Variants in AP2A1 observed in about 807,000 individuals in gnomAD.
AP2A1 encodes AP-2 complex subunit alpha-1.
AP2A1 carries 21 observed loss-of-function variants against 107.3 expected under a neutral mutation model. The observed-to-expected ratio is 0.20, with a 90% CI of 0.14 to 0.28. The LOEUF (loss-of-function observed/expected upper bound fraction) is 0.28. Ranked by LOEUF, AP2A1 falls within the 10% of genes least tolerant of loss-of-function variation. The probability of loss-of-function intolerance (pLI) is 1.00; values close to 1 mark genes in which losing one functional copy is unlikely to be tolerated. For missense variants in AP2A1, 873 were observed against 1,307.7 expected, an observed-to-expected ratio of 0.67 and a Z score of 5.13; for synonymous variants, 602 against 564.8, an observed-to-expected ratio of 1.07 and a Z score of -0.93.
chr19:49,785,733 G>A lies in AP2A1; in HGVS notation c.473+3009G>A, dbSNP rs1397159940. Among the ~76,000 whole-genome samples, 1 of 152,042 alleles carries A rather than the reference G, an allele frequency of 6.6e-6. No homozygotes were observed. The highest frequency in any genetic ancestry group is 2.4e-5 in the African/African-American group (1 of 41,400). On this transcript the variant is annotated intron_variant, in intron 4 of 22. Transcript: ENST00000354293. This position sits in a 1 kb window ranked among gnomAD's most constrained non-coding sequence, Gnocchi z 4.1. ...GGAGTTCAAGAACAGCTTGGCCAACGTGGTGAAGCCCCGTCTCTACTAAAA... is the reference window on the plus strand; with the variant it reads ...GGAGTTCAAGAACAGCTTGGCCAACATGGTGAAGCCCCGTCTCTACTAAAA...
chr19:49,806,046 T>C, intron 21 of AP2A1, 73 bp from the exon 22 acceptor site: 2 of 1,606,012 alleles, frequency 1.2e-6, no homozygotes, highest in Non-Finnish European at 1.7e-6. Flanking sequence ...CAAGGGTTTT[T>C]TGGGATCTGG....
chr19:49,807,011 G>C lies in AP2A1; in HGVS notation c.*253G>C, dbSNP rs755657628. 4.9e-5 allele frequency: 75 copies of C among 1,520,644 alleles called. No individual in the cohort carries two copies. Among genetic ancestry groups the C allele is most frequent in the Non-Finnish European group, 6.3e-5 (72 of 1,137,530 alleles). The allele number at this position is 1,520,644 out of a possible 1,614,324, so 94.2% of individuals were successfully genotyped here. A position where few individuals can be genotyped will look rare whatever the true frequency, so the allele number is the denominator to read the frequency against. ...AGAGGGGAGAGGGGCCAGGGAAGTG[G>C]ATGTCTCCTCCCCTCCCACCCCACC... On this transcript the variant is annotated 3_prime_UTR_variant, in exon 23 of 23. Transcript: ENST00000354293.
chr19:49,768,450 T>C (rs1055850054), intron 1 of AP2A1, among the ~76,000 whole-genome samples: 8 of 152,140 alleles, frequency 5.3e-5, no homozygotes, highest in Non-Finnish European at 1.0e-4. Flanking sequence ...GCTGATAGTA[T>C]CTTCCTGAGG....
rs1020706638 is a variant in AP2A1, at chr19:49,791,931, A to C, written c.474-4A>C. On this transcript the variant is annotated splice_region_variant and splice_polypyrimidine_tract_variant and intron_variant, in intron 4 of 22. Transcript: ENST00000354293. ...TTCCCCTGCCCTGCATGGTGTCCCCACAGGGACAGCATGGACAGTGTCAAG... is the reference window on the plus strand; with the variant it reads ...TTCCCCTGCCCTGCATGGTGTCCCCCCAGGGACAGCATGGACAGTGTCAAG... 1.2e-6 allele frequency: 2 copies of C among 1,605,462 alleles called. No homozygotes were observed. Among genetic ancestry groups the C allele is most frequent in the African/African-American group, 2.7e-5 (2 of 74,642 alleles).
At chr19:49,806,456 C>G in intron 22 of AP2A1, 1 of 1,436,966 alleles carries the variant, frequency 7.0e-7, no homozygotes, top group Non-Finnish European at 9.1e-7. Context: ...CTCTTCCTGT[C>G]CCTCCCTGAT....
At chr19:49,770,183 A>T (rs573569981) in intron 1 of AP2A1, among the ~76,000 whole-genome samples, 1 of 152,184 alleles carries the variant, frequency 6.6e-6, no homozygotes, top group African/African-American at 2.4e-5. Context: ...ATACAACTTG[A>T]AGGAAAAACT....
At position 49,772,040 on chromosome 19, in the gene AP2A1, G is replaced by A. The variant is rs532403384; in HGVS notation, c.67+4840G>A. Among the ~76,000 whole-genome samples, 5 of 152,126 alleles carry A rather than the reference G, an allele frequency of 3.3e-5. No individual in the cohort carries two copies. In the South Asian group the frequency reaches 8.3e-4, roughly 25 times the overall value. The stretch of plus-strand genomic sequence containing the variant: ...AGGCCAGGAATTTGAGACCAGCCTT[G>A]GCAACATAGCAAGACCCTGTCTCTC... On this transcript the variant is annotated intron_variant, in intron 1 of 22. Coordinates refer to ENST00000354293, the MANE Select transcript of AP2A1 (RefSeq NM_130787.3).
At chr19:49,771,726 T>C (rs2084560175) in intron 1 of AP2A1, among the ~76,000 whole-genome samples, 3 of 151,998 alleles carry the variant, frequency 2.0e-5, no homozygotes, top group African/African-American at 7.3e-5. Flanking sequence ...GATTTTTTTT[T>C]AAATGGGGAA....
At chr19:49,799,283 G>A in intron 8 of AP2A1, 44 bp from the exon 9 acceptor site, 1 of 1,594,176 alleles carries the variant, frequency 6.3e-7, no homozygotes, top group Non-Finnish European at 8.5e-7. Context: ...ACCTTCTCCT[G>A]TCAGTTTCTC....
chr19:49,780,656 G>A (rs2084664878), intron 1 of AP2A1, among the ~76,000 whole-genome samples: 1 of 152,194 alleles, frequency 6.6e-6, no homozygotes, highest in Non-Finnish European at 1.5e-5. Flanking sequence ...GAGCGAGCGA[G>A]CATGGGATCT....
intron 18 of AP2A1, chr19:49,803,946 A>C: frequency 6.4e-6 from 1 of 155,398 alleles, no homozygotes; most frequent in Non-Finnish European, 1.4e-5. Context: ...CGACCTGAAA[A>C]CTCCTTCTGG....
chr19:49,802,478 A>G, intron 15 of AP2A1: 1 of 1,562,134 alleles, frequency 6.4e-7, no homozygotes, highest in Middle Eastern at 1.7e-4. Flanking sequence ...CCTATGTGGA[A>G]TTGGCTGCCT....
chr19:49,791,501 A>G (rs1050809554), intron 4 of AP2A1, among the ~76,000 whole-genome samples: 2 of 152,124 alleles, frequency 1.3e-5, no homozygotes, highest in African/African-American at 4.8e-5. Flanking sequence ...TGCTGGGATT[A>G]TAGGCGTGAG....
intron 4 of AP2A1, among the ~76,000 whole-genome samples, chr19:49,787,347 G>GTTTTTTTTTTTTTTTTTTTTTTTT (rs199550216): frequency 6.2e-5 from 6 of 96,182 alleles, no homozygotes; most frequent in Admixed American, 1.1e-4. Flanking sequence ...TGTTTTTTTT[G>GTTTTTTTTTTTTTTTTTTTTTTTT]TTTTTTGTTT....
chr19:49,797,312 A>G (rs1299418807), intron 7 of AP2A1: 2 of 152,272 alleles, frequency 1.3e-5, no homozygotes, highest in East Asian at 1.9e-4. Context: ...CAGCATCCAG[A>G]TAAGTACAGA....
chr19:49,800,046 C>T lies in AP2A1; in HGVS notation c.1351C>T (p.Arg451Cys), dbSNP rs2073258649. ...CGTGGACACCATCCTCAACCTCATCCGCATTGCGGGCGACTACGTGAGTGA... is the reference window on the plus strand; with the variant it reads ...CGTGGACACCATCCTCAACCTCATCTGCATTGCGGGCGACTACGTGAGTGA... ...WYVDTILNLI[R>C]IAGDYVSEEV... The change falls in exon 11 of 23, where the codon CGC becomes TGC. Residue 451 changes from arginine to cysteine, a missense_variant. This residue lies in a region of AP2A1 where 213 missense variants were observed against 443.5 expected (regional missense o/e 0.48). Coordinates refer to ENST00000354293, the MANE Select transcript of AP2A1 (RefSeq NM_130787.3). 6.2e-7 allele frequency: 1 copy of T among 1,613,942 alleles called. No homozygotes were observed. The highest frequency in any genetic ancestry group is 1.7e-5 in the Admixed American group (1 of 60,010).
chr19:49,807,028 C>CCCCCCCCCCCGTTTT lies in AP2A1; in HGVS notation c.*270_*271insCCCCCCCCCCGTTTT. 1 of 1,499,068 alleles carries CCCCCCCCCCCGTTTT rather than the reference C, an allele frequency of 6.7e-7. No homozygotes were observed. The highest frequency in any genetic ancestry group is 2.0e-5 in the Admixed American group (1 of 50,216). 92.9% of individuals were successfully genotyped at this position (1,499,068 alleles called of 1,614,324 possible). On this transcript the variant is annotated 3_prime_UTR_variant, in exon 23 of 23. Transcript: ENST00000354293. ...GGGAAGTGGATGTCTCCTCCCCTCC[C>CCCCCCCCCCCGTTTT]ACCCCACCCTGTTGTAGCCCCTCCT...
intron 22 of AP2A1, 72 bp downstream of exon 22, chr19:49,806,325 C>G (rs1222399619): frequency 6.8e-7 from 1 of 1,477,850 alleles, no homozygotes; most frequent in African/African-American, 1.4e-5. Context: ...CCCTTCCTGC[C>G]TCACTGTTCT....
At chr19:49,773,543 T>G (rs2084586757) in intron 1 of AP2A1, among the ~76,000 whole-genome samples, 3 of 152,112 alleles carry the variant, frequency 2.0e-5, no homozygotes, top group Non-Finnish European at 4.4e-5. Flanking sequence ...TCCAGCTGGG[T>G]GCCAGGCACT....
Sources: allele counts gnomAD v4.1 joint callset (sites outside exome capture counted in the v4.1 genomes callset), GRCh38; gene constraint gnomAD v4.1.1; regional missense constraint gnomAD v4.1.1; non-coding constraint Gnocchi (gnomAD v3.1); transcripts MANE v1.5; gene names NCBI Gene and HGNC (gene_info 2026-07-23, HGNC 2026-07-21).